LRRC4C: variants seen among roughly 807,000 people sequenced by gnomAD.
LRRC4C encodes leucine-rich repeat-containing protein 4C.
A neutral mutation model predicts 33.6 loss-of-function variants in LRRC4C; 5 were observed. The observed-to-expected ratio is 0.15, with a 90% CI of 0.08 to 0.31. The LOEUF (loss-of-function observed/expected upper bound fraction) is 0.31, where lower values mean the gene tolerates loss of function less well. LRRC4C is among the 10% of genes least tolerant of loss of function. LRRC4C has a pLI of 1.00. For missense variants in LRRC4C, 560 were observed against 796.7 expected, an observed-to-expected ratio of 0.70 and a Z score of 3.58; for synonymous variants, 329 against 302.0, an observed-to-expected ratio of 1.09 and a Z score of -0.93.
intron 1 of LRRC4C, among the ~76,000 whole-genome samples, chr11:41,283,859 A>G (rs1297950726): frequency 1.3e-5 from 2 of 152,222 alleles, no homozygotes; most frequent in Admixed American, 6.5e-5. Context: ...AAATACATTT[A>G]TCTTCTCTGT....
chr11:40,530,390 T>C (rs910143483), intron 3 of LRRC4C, among the ~76,000 whole-genome samples: 1 of 151,974 alleles, frequency 6.6e-6, no homozygotes, highest in Non-Finnish European at 1.5e-5. Flanking sequence ...GAAGATGAGA[T>C]TTTGGGTCCT....
chr11:41,193,782 C>A (rs1946064657), intron 1 of LRRC4C, among the ~76,000 whole-genome samples: 1 of 151,784 alleles, frequency 6.6e-6, no homozygotes, highest in South Asian at 2.1e-4. Flanking sequence ...TAGAGGTGTT[C>A]TGATTATTCA....
chr11:41,227,487 C>A (rs112424586), intron 1 of LRRC4C, among the ~76,000 whole-genome samples: 4 of 151,880 alleles, frequency 2.6e-5, no homozygotes, highest in Admixed American at 6.6e-5. Context: ...AAAGATTTAA[C>A]AAATATTTAC....
At chr11:41,145,044 T>A (rs1016160560) in intron 1 of LRRC4C, among the ~76,000 whole-genome samples, 5 of 152,178 alleles carry the variant, frequency 3.3e-5, no homozygotes, top group African/African-American at 1.2e-4. Flanking sequence ...ATTGTTCACA[T>A]AATGTTGTAT....
At chr11:41,298,218 G>A (rs1950193847) in intron 1 of LRRC4C, among the ~76,000 whole-genome samples, 1 of 152,098 alleles carries the variant, frequency 6.6e-6, no homozygotes, top group African/African-American at 2.4e-5. Context: ...TCAACAAAAT[G>A]ATTGCTGGGG....
chr11:41,191,551 C>T (rs1293592378), intron 1 of LRRC4C, among the ~76,000 whole-genome samples: 1 of 152,052 alleles, frequency 6.6e-6, no homozygotes, highest in East Asian at 1.9e-4. Context: ...GTGAACAAAG[C>T]CTTAGAAAGA....
intron 1 of LRRC4C, among the ~76,000 whole-genome samples, chr11:41,165,512 A>G (rs1246317351): frequency 6.6e-6 from 1 of 152,176 alleles, no homozygotes; most frequent in African/African-American, 2.4e-5. Context: ...TAGATGAGGT[A>G]AAAATTACTA....
intron 1 of LRRC4C, among the ~76,000 whole-genome samples, chr11:41,192,727 C>T (rs887945986): frequency 6.6e-6 from 1 of 152,000 alleles, no homozygotes; most frequent in Admixed American, 6.6e-5. Context: ...CGAGAAAAAG[C>T]AAAATCATTA....
chr11:40,136,064 C>T (rs1336055164), intron 6 of LRRC4C, among the ~76,000 whole-genome samples: 2 of 152,186 alleles, frequency 1.3e-5, no homozygotes, highest in East Asian at 3.9e-4. Context: ...AAATCGGGCT[C>T]ACCACGCCAG....
At chr11:40,751,284 A>G (rs900508661) in intron 2 of LRRC4C, among the ~76,000 whole-genome samples, 3 of 152,132 alleles carry the variant, frequency 2.0e-5, no homozygotes, top group African/African-American at 7.2e-5. Flanking sequence ...CAGGCTAGAG[A>G]AAGAAACAGA....
At chr11:41,262,686 G>C (rs1949021522) in intron 1 of LRRC4C, among the ~76,000 whole-genome samples, 3 of 152,040 alleles carry the variant, frequency 2.0e-5, no homozygotes, top group Admixed American at 2.0e-4. Context: ...AACAGTTTTT[G>C]TTCAGTTGTC....
chr11:40,799,003 T>C lies in LRRC4C; in HGVS notation c.-407+134632A>G, dbSNP rs140245476. ...TTTGTATGCTTAAAAACAAATATGG[T>C]AAAATATAATTTTTGTGAAATAAAA... On this transcript the variant is annotated intron_variant, in intron 2 of 6. Coordinates refer to ENST00000528697, the MANE Select transcript of LRRC4C (RefSeq NM_001258419.2). Among the ~76,000 whole-genome samples the C allele has an allele frequency of 5.1e-3, 782 of 152,296 alleles. 4 individuals carry two copies. The highest frequency in any genetic ancestry group is 9.4e-3 in the Non-Finnish European group (639 of 68,022).
chr11:41,254,106 A>G (rs1157335649), intron 1 of LRRC4C, among the ~76,000 whole-genome samples: 1 of 152,074 alleles, frequency 6.6e-6, no homozygotes, highest in African/African-American at 2.4e-5. Context: ...ATATATAAGG[A>G]AAGAAATTAA....
At chr11:40,358,444 C>T (rs1253475225) in intron 3 of LRRC4C, among the ~76,000 whole-genome samples, 1 of 152,024 alleles carries the variant, frequency 6.6e-6, no homozygotes, top group African/African-American at 2.4e-5. Context: ...CTGTGCTTGG[C>T]TAATTTTTGT....
chr11:40,926,667 AT>A, intron 2 of LRRC4C, among the ~76,000 whole-genome samples: 1 of 151,632 alleles, frequency 6.6e-6, no homozygotes, highest in East Asian at 2.0e-4. Flanking sequence ...AAATTTGGTT[AT>A]AGTATACTTT....
intron 3 of LRRC4C, among the ~76,000 whole-genome samples, chr11:40,418,867 C>G (rs1950423321): frequency 6.6e-6 from 1 of 152,134 alleles, no homozygotes; most frequent in African/African-American, 2.4e-5. Context: ...CAAACTAATG[C>G]AGGAACAGAA....
chr11:40,984,690 T>C, intron 1 of LRRC4C, among the ~76,000 whole-genome samples: 1 of 152,184 alleles, frequency 6.6e-6, no homozygotes, highest in South Asian at 2.1e-4. Flanking sequence ...TTAGAAGGAC[T>C]AGATGAAGAG....
chr11:40,480,374 T>TAAAA (rs1953486767), intron 3 of LRRC4C, among the ~76,000 whole-genome samples: 1 of 151,358 alleles, frequency 6.6e-6, no homozygotes, highest in Non-Finnish European at 1.5e-5. Flanking sequence ...TAAAAATAAA[T>TAAAA]AAATAAATAA....
chr11:40,754,596 A>G (rs1480324241), intron 2 of LRRC4C, among the ~76,000 whole-genome samples: 1 of 152,138 alleles, frequency 6.6e-6, no homozygotes, highest in Non-Finnish European at 1.5e-5. Flanking sequence ...AGACAAGGAA[A>G]GCCAGAGACC....
Sources: gnomAD v4.1 joint callset for allele counts (sites outside exome capture counted in the v4.1 genomes callset) on GRCh38, gnomAD v4.1.1 for gene constraint, MANE v1.5 for transcripts, NCBI Gene and HGNC (gene_info 2026-07-23, HGNC 2026-07-21) for gene names.